CDH11: variants seen among roughly 807,000 people sequenced by gnomAD.
The protein encoded by CDH11 is cadherin-11.
Under a neutral mutation model 67.8 loss-of-function variants are expected in CDH11, and 11 were observed. The ratio of observed to expected loss-of-function variants is 0.16; its 90% confidence interval spans 0.10 to 0.27. The LOEUF is 0.27. Ranked by LOEUF, CDH11 falls within the 10% of genes least tolerant of loss-of-function variation. The pLI is 1.00. For synonymous variants in CDH11, 419 were observed against 400.0 expected, an observed-to-expected ratio of 1.05 and a Z score of -0.57; for missense variants, 847 against 1,031.2, an observed-to-expected ratio of 0.82 and a Z score of 2.45.
chr16:64,997,519 T>C (rs980487754), intron 4 of CDH11, among the ~76,000 whole-genome samples: 1 of 152,122 alleles, frequency 6.6e-6, no homozygotes, highest in South Asian at 2.1e-4. Flanking sequence ...TGACACTCAG[T>C]TGCTGACACT....
At chr16:65,026,733 C>G (rs1319642805) in intron 2 of CDH11, among the ~76,000 whole-genome samples, 1 of 152,088 alleles carries the variant, frequency 6.6e-6, no homozygotes, top group Non-Finnish European at 1.5e-5. Context: ...CAGATGTTCT[C>G]CAGTCTGCCC....
Position 65,053,885 on chromosome 16 carries a change from C to A in CDH11, c.-254G>T. 2 of 456,034 alleles carry A rather than the reference C, an allele frequency of 4.4e-6. No homozygotes were observed. The highest frequency in any genetic ancestry group is 3.1e-5 in the South Asian group (2 of 64,556). The allele number at this position is 456,034 out of a possible 1,614,324, so 28.2% of individuals were successfully genotyped here. A position where few individuals can be genotyped will look rare whatever the true frequency, so the allele number is the denominator to read the frequency against. On this transcript the variant is annotated 5_prime_UTR_variant, in exon 2 of 13. Transcript: ENST00000268603. ...ATTGGTCACTCAACAAATGACAACACGAAGGAATGTCACAGGGCCGCTGAG... is the reference window on the plus strand; with the variant it reads ...ATTGGTCACTCAACAAATGACAACAAGAAGGAATGTCACAGGGCCGCTGAG...
intron 1 of CDH11, among the ~76,000 whole-genome samples, chr16:65,076,890 G>A (rs1475715089): frequency 6.6e-6 from 1 of 152,034 alleles, no homozygotes; most frequent in Non-Finnish European, 1.5e-5. Context: ...AGTATTCCAT[G>A]GTGTATATGT....
At chr16:65,026,121 C>G (rs1463369936) in intron 2 of CDH11, among the ~76,000 whole-genome samples, 6 of 152,126 alleles carry the variant, frequency 3.9e-5, no homozygotes, top group Admixed American at 2.0e-4. Context: ...TTCCATTAAA[C>G]CCCTGCTTGC....
At chr16:65,115,554 T>C (rs947522924) in intron 1 of CDH11, among the ~76,000 whole-genome samples, 11 of 151,990 alleles carry the variant, frequency 7.2e-5, no homozygotes. Context: ...TCATTTTATC[T>C]TTACAAGAAT....
At chr16:64,970,012 TAA>T (rs771527561) in intron 11 of CDH11, among the ~76,000 whole-genome samples, 1 of 152,174 alleles carries the variant, frequency 6.6e-6, no homozygotes, top group African/African-American at 2.4e-5. Flanking sequence ...AATACAAACT[TAA>T]AGAGTGTTAA....
intron 2 of CDH11, among the ~76,000 whole-genome samples, chr16:65,045,654 A>T (rs2073950014): frequency 6.6e-6 from 1 of 152,016 alleles, no homozygotes; most frequent in Non-Finnish European, 1.5e-5. Flanking sequence ...AGTAGCCAGG[A>T]AAGGAAATGT....
chr16:64,979,791 T>C (rs924738110), intron 8 of CDH11, among the ~76,000 whole-genome samples: 5 of 152,166 alleles, frequency 3.3e-5, no homozygotes, highest in African/African-American at 9.7e-5. Context: ...TTATCTGTCA[T>C]AGCCAAGTTT....
At chr16:65,014,098 A>G (rs145720338) in intron 2 of CDH11, among the ~76,000 whole-genome samples, 1 of 152,226 alleles carries the variant, frequency 6.6e-6, no homozygotes, top group African/African-American at 2.4e-5. Context: ...TAACCCCTGG[A>G]TACCATGCTC....
chr16:64,945,592 A>G lies in CDH11; in HGVS notation c.*2011T>C. 2.9e-6 allele frequency: 3 copies of G among 1,031,880 alleles called. No individual in the cohort carries two copies. Among genetic ancestry groups the G allele is most frequent in the Non-Finnish European group, 3.5e-6 (3 of 857,776 alleles). 63.9% of individuals were successfully genotyped at this position (1,031,880 alleles called of 1,614,324 possible). ...TTGGATTACAAAAACTATATAAAAA[A>G]ATGAACACAACCTGCAATTATGGAA... On this transcript the variant is annotated 3_prime_UTR_variant, in exon 13 of 13. Coordinates refer to ENST00000268603, the MANE Select transcript of CDH11 (RefSeq NM_001797.4).
chr16:65,054,670 C>A (rs993372969), intron 1 of CDH11, among the ~76,000 whole-genome samples: 6 of 152,188 alleles, frequency 3.9e-5, no homozygotes, highest in Non-Finnish European at 8.8e-5. Context: ...AGTGTCTAAA[C>A]AGCTGTCATC....
chr16:64,987,970 T>C lies in CDH11; in HGVS notation c.999+187A>G, dbSNP rs147047826. ...GGTATCACCAGCCCCTTTGTCAGCTTCTCTGCAGTAACAGAAAGGAATACA... is the reference window on the plus strand; with the variant it reads ...GGTATCACCAGCCCCTTTGTCAGCTCCTCTGCAGTAACAGAAAGGAATACA... On this transcript the variant is annotated intron_variant, in intron 7 of 12. Transcript: ENST00000268603. 3.1e-4 allele frequency: 147 copies of C among 474,726 alleles called. 1 individual carries two copies. The highest frequency in any genetic ancestry group is 2.5e-3 in the African/African-American group (127 of 49,878). The allele number at this position is 474,726 out of a possible 1,614,324, so 29.4% of individuals were successfully genotyped here.
intron 2 of CDH11, among the ~76,000 whole-genome samples, chr16:65,038,681 T>A (rs2073803484): frequency 6.6e-6 from 1 of 152,142 alleles, no homozygotes; most frequent in African/African-American, 2.4e-5. Flanking sequence ...AGGATGCATA[T>A]CAAAGTCTAG....
chr16:65,104,449 C>T (rs1012486112), intron 1 of CDH11, among the ~76,000 whole-genome samples: 3 of 152,128 alleles, frequency 2.0e-5, no homozygotes, highest in African/African-American at 7.2e-5. Context: ...TTCTAACTTA[C>T]AAGGTGATAG....
intron 11 of CDH11, among the ~76,000 whole-genome samples, chr16:64,952,410 CAATA>C (rs1775680881): frequency 6.6e-6 from 1 of 152,256 alleles, no homozygotes; most frequent in Non-Finnish European, 1.5e-5. Context: ...AGCAGACATT[CAATA>C]AATATTTGTT....
chr16:64,982,477 A>G, intron 7 of CDH11, 176 bp from the exon 8 acceptor site: 1 of 604,152 alleles, frequency 1.7e-6, no homozygotes, highest in Non-Finnish European at 2.9e-6. Flanking sequence ...CAATTGCTGA[A>G]ACCTAGAATG....
At chr16:64,988,842 ACT>A (rs1227315737) in intron 6 of CDH11, among the ~76,000 whole-genome samples, 11 of 151,588 alleles carry the variant, frequency 7.3e-5, no homozygotes, top group Admixed American at 5.9e-4. Flanking sequence ...TCCCTGTCTA[ACT>A]CTATATTCGA....
At chr16:65,074,921 G>A (rs185578747) in intron 1 of CDH11, among the ~76,000 whole-genome samples, 174 of 152,234 alleles carry the variant, frequency 1.1e-3, no homozygotes, top group Non-Finnish European at 2.1e-3. Flanking sequence ...CTATTAAAGT[G>A]TATATACTTG....
intron 1 of CDH11, among the ~76,000 whole-genome samples, chr16:65,071,678 C>T (rs1445732661): frequency 1.3e-5 from 2 of 152,142 alleles, no homozygotes; most frequent in Non-Finnish European, 2.9e-5. Context: ...AAAGATAGAC[C>T]GGAACAAACT....
Sources: gnomAD v4.1 joint callset for allele counts (sites outside exome capture counted in the v4.1 genomes callset) on GRCh38, gnomAD v4.1.1 for gene constraint, MANE v1.5 for transcripts, NCBI Gene and HGNC (gene_info 2026-07-23, HGNC 2026-07-21) for gene names.